The following CUL5 variants were observed in gnomAD, a reference collection of about 807,000 sequenced individuals.
The protein encoded by CUL5 is cullin 5.
Under a neutral mutation model 108.8 loss-of-function variants are expected in CUL5, and 26 were observed. That is an observed-to-expected ratio of 0.24 (90% CI 0.18 to 0.33). The LOEUF (loss-of-function observed/expected upper bound fraction) is 0.33, where lower values mean the gene tolerates loss of function less well. Ranked by LOEUF, CUL5 falls within the 10% of genes least tolerant of loss-of-function variation. The probability of loss-of-function intolerance (pLI) is 1.00; values close to 1 mark genes in which losing one functional copy is unlikely to be tolerated. For missense variants in CUL5, 524 were observed against 909.2 expected (o/e 0.58, Z 5.45); for synonymous variants, 334 against 298.0 (o/e 1.12, Z -1.25).
At chr11:108,096,406 T>A (rs1457611701) in intron 16 of CUL5, among the ~76,000 whole-genome samples, 3 of 150,686 alleles carry the variant, frequency 2.0e-5, no homozygotes, top group Non-Finnish European at 4.4e-5. Flanking sequence ...GTGGGAAGAT[T>A]GCTTGAGCCC....
At chr11:108,045,111 A>G (rs1863034532) in intron 2 of CUL5, among the ~76,000 whole-genome samples, 1 of 152,200 alleles carries the variant, frequency 6.6e-6, no homozygotes, top group East Asian at 1.9e-4. Context: ...CTGTACTAGT[A>G]TTAAATATAT....
At chr11:108,031,338 C>G (rs1004186613) in intron 1 of CUL5, among the ~76,000 whole-genome samples, 3 of 148,084 alleles carry the variant, frequency 2.0e-5, no homozygotes, top group African/African-American at 7.5e-5. Flanking sequence ...GCACTCCAGC[C>G]TGGGCAACAG....
At chr11:108,055,101 A>G in intron 7 of CUL5, 146 bp downstream of exon 7, 1 of 647,424 alleles carries the variant, frequency 1.5e-6, no homozygotes. Flanking sequence ...CCATAGCACA[A>G]CTTTGTAGGA....
intron 2 of CUL5, among the ~76,000 whole-genome samples, chr11:108,034,852 T>G (rs1265854948): frequency 6.6e-6 from 1 of 152,202 alleles, no homozygotes; most frequent in Non-Finnish European, 1.5e-5. Context: ...TTAGACAACT[T>G]AATTAGAAAG....
At chr11:108,103,828 C>CT (rs1324092044) in intron 18 of CUL5, among the ~76,000 whole-genome samples, 2 of 152,044 alleles carry the variant, frequency 1.3e-5, no homozygotes, top group African/African-American at 4.8e-5. Flanking sequence ...TAAATACATA[C>CT]TTTAAGTTCT....
intron 1 of CUL5, among the ~76,000 whole-genome samples, chr11:108,026,843 G>A (rs1055501205): frequency 6.6e-6 from 1 of 151,862 alleles, no homozygotes; most frequent in Non-Finnish European, 1.5e-5. Flanking sequence ...AGAAAAATTG[G>A]CTGGGCATGG....
At chr11:108,028,915 T>G (rs530188603) in intron 1 of CUL5, among the ~76,000 whole-genome samples, 265 of 152,332 alleles carry the variant, frequency 1.7e-3, no homozygotes, top group African/African-American at 5.8e-3. Context: ...ACCAAAGTCT[T>G]TATAATGGCC....
At chr11:108,021,980 A>G (rs1012418375) in intron 1 of CUL5, among the ~76,000 whole-genome samples, 19 of 151,992 alleles carry the variant, frequency 1.3e-4, no homozygotes, top group Admixed American at 9.8e-4. Context: ...ATGCCCATCT[A>G]TCTATCTGTA....
intron 1 of CUL5, among the ~76,000 whole-genome samples, chr11:108,027,141 A>G (rs1478511558): frequency 2.0e-5 from 3 of 150,456 alleles, no homozygotes; most frequent in Non-Finnish European, 4.4e-5. Context: ...TTTATTTACT[A>G]TTTGTTTTTT....
intron 17 of CUL5, 82 bp from the exon 18 acceptor site, chr11:108,098,324 C>T: frequency 7.2e-6 from 9 of 1,258,182 alleles, no homozygotes; most frequent in African/African-American, 1.5e-5. Context: ...ATTTTTAAAT[C>T]TTTTCTCTCA....
intron 13 of CUL5, among the ~76,000 whole-genome samples, chr11:108,091,781 A>C (rs1864370109): frequency 6.6e-6 from 1 of 151,950 alleles, no homozygotes; most frequent in Admixed American, 6.6e-5. Context: ...ATCTCTTCAC[A>C]GAAGATAGAC....
At chr11:108,014,922 G>A (rs941103281) in intron 1 of CUL5, among the ~76,000 whole-genome samples, 19 of 151,896 alleles carry the variant, frequency 1.3e-4, no homozygotes, top group African/African-American at 4.4e-4. Flanking sequence ...TTTTTGAGAC[G>A]GGGTCTCACT....
At chr11:108,047,076 G>C (rs1378827468) in intron 3 of CUL5, among the ~76,000 whole-genome samples, 2 of 152,152 alleles carry the variant, frequency 1.3e-5, no homozygotes, top group Non-Finnish European at 2.9e-5. Flanking sequence ...CCAGCACTTT[G>C]GGAGGCTGAG....
intron 1 of CUL5, among the ~76,000 whole-genome samples, chr11:108,018,987 C>T (rs968375893): frequency 6.6e-6 from 1 of 152,078 alleles, no homozygotes; most frequent in African/African-American, 2.4e-5. Flanking sequence ...AAAAAAATTG[C>T]GTCTGTATTG....
At chr11:108,051,745 T>C (rs1863229149) in intron 4 of CUL5, among the ~76,000 whole-genome samples, 1 of 152,206 alleles carries the variant, frequency 6.6e-6, no homozygotes, top group Non-Finnish European at 1.5e-5. Context: ...TTTATGTGTC[T>C]TTACAAACAT....
intron 7 of CUL5, among the ~76,000 whole-genome samples, chr11:108,062,276 G>T (rs149767115): frequency 0.016 from 2,393 of 151,942 alleles, 61 homozygotes; most frequent in African/African-American, 0.055. Flanking sequence ...CTTCCTCTTG[G>T]AATAGAATCT....
intron 2 of CUL5, among the ~76,000 whole-genome samples, chr11:108,043,160 A>G (rs973962590): frequency 6.6e-5 from 10 of 152,274 alleles, no homozygotes; most frequent in Admixed American, 5.2e-4. Flanking sequence ...GTAACCCTGA[A>G]CTTCTGAGTT....
At chr11:108,012,838 C>A (rs970076800) in intron 1 of CUL5, among the ~76,000 whole-genome samples, 1 of 152,280 alleles carries the variant, frequency 6.6e-6, no homozygotes, top group African/African-American at 2.4e-5. Flanking sequence ...CTCAAGCGAT[C>A]CGCCTACCTC....
intron 1 of CUL5, 45 bp downstream of exon 1, chr11:108,009,417 G>C (rs1278503385): frequency 3.7e-6 from 6 of 1,609,430 alleles, no homozygotes; most frequent in Non-Finnish European, 2.5e-6. Flanking sequence ...TGGCCGCCGG[G>C]TTCGGCTCTT....
Sources: allele counts gnomAD v4.1 joint callset (sites outside exome capture counted in the v4.1 genomes callset), GRCh38; gene constraint gnomAD v4.1.1; transcripts MANE v1.5; gene names NCBI Gene and HGNC (gene_info 2026-07-23, HGNC 2026-07-21).